The following B3GLCT variants were observed in gnomAD, a reference collection of about 807,000 sequenced individuals.
B3GLCT encodes the protein beta 3-glucosyltransferase, also known as beta-1,3-glucosyltransferase.
Under a neutral mutation model 63.4 loss-of-function variants are expected in B3GLCT, and 65 were observed. The observed-to-expected ratio is 1.03, with a 90% confidence interval of 0.84 to 1.26. B3GLCT has a LOEUF of 1.26. B3GLCT is among the 50% of genes most tolerant of loss of function. The pLI is 0.00. For missense variants in B3GLCT, 577 were observed against 604.8 expected (o/e 0.95, Z 0.48); for synonymous variants, 233 against 219.2 (o/e 1.06, Z -0.55).
chr13:31,272,026 A>C (rs1481809217), intron 8 of B3GLCT, among the ~76,000 whole-genome samples: 1 of 151,810 alleles, frequency 6.6e-6, no homozygotes, highest in Non-Finnish European at 1.5e-5. Flanking sequence ...TTTTTCTTTC[A>C]ATCCTTTTGT....
intron 12 of B3GLCT, among the ~76,000 whole-genome samples, chr13:31,293,914 C>T (rs1054990601): frequency 3.9e-5 from 6 of 152,196 alleles, no homozygotes; most frequent in Admixed American, 2.0e-4. Context: ...AAGGTCTTTA[C>T]AATTTGATAT....
intron 1 of B3GLCT, among the ~76,000 whole-genome samples, chr13:31,214,534 T>C (rs1283597464): frequency 6.6e-6 from 1 of 152,170 alleles, no homozygotes; most frequent in Non-Finnish European, 1.5e-5. Context: ...TAGGGTTTAG[T>C]AGGGTTCTGT....
At chr13:31,208,881 C>G (rs1869119218) in intron 1 of B3GLCT, among the ~76,000 whole-genome samples, 1 of 152,022 alleles carries the variant, frequency 6.6e-6, no homozygotes, top group Non-Finnish European at 1.5e-5. Flanking sequence ...TACCTTCAGC[C>G]TCATTTCTAG....
chr13:31,269,400 T>G lies in B3GLCT; in HGVS notation c.660+123T>G. Reference sequence around the variant, plus strand: ...CACCCACATCTACTCCCCACAGAGATAATTTCATAGCACTCCAGCGAATTA... The same window carrying G: ...CACCCACATCTACTCCCCACAGAGAGAATTTCATAGCACTCCAGCGAATTA... On this transcript the variant is annotated intron_variant, in intron 8 of 14. Transcript: ENST00000343307. 4.4e-6 allele frequency: 3 copies of G among 685,662 alleles called. No homozygotes were observed. The East Asian group carries it at 8.2e-5, about 19-fold the overall frequency. 42.5% of individuals were successfully genotyped at this position (685,662 alleles called of 1,614,324 possible). A position where few individuals can be genotyped will look rare whatever the true frequency, so the allele number is the denominator to read the frequency against.
intron 6 of B3GLCT, among the ~76,000 whole-genome samples, chr13:31,250,669 C>A (rs2137811217): frequency 6.6e-6 from 1 of 152,338 alleles, no homozygotes; most frequent in East Asian, 1.9e-4. Context: ...TAGATTCCCT[C>A]CTCTCTGGGC....
At position 31,308,347 on chromosome 13, in the gene B3GLCT, T is replaced by TAAAAAAAAAACAAA. The variant is rs1874501160; in HGVS notation, c.1065-9209_1065-9208insCAAAAAAAAAAAAA. On this transcript the variant is annotated intron_variant, in intron 12 of 14. Transcript: ENST00000343307. ...TAGAGTATAATAAAAAAAAAAAAATTAAAAAAAAAAAAACAAAAAAAAAAG... is the reference window on the plus strand; with the variant it reads ...TAGAGTATAATAAAAAAAAAAAAATTAAAAAAAAAACAAAAAAAAAAAAAAAACAAAAAAAAAAG... Among the ~76,000 whole-genome samples, 14 of 23,688 alleles carry TAAAAAAAAAACAAA rather than the reference T, an allele frequency of 5.9e-4. 1 individual carries two copies. The South Asian group carries it at 0.011, about 19-fold the overall frequency. The allele number at this position is 23,688 out of a possible 152,430, so 15.5% of individuals were successfully genotyped here.
At chr13:31,259,886 C>T (rs539926056) in intron 6 of B3GLCT, among the ~76,000 whole-genome samples, 42 of 151,914 alleles carry the variant, frequency 2.8e-4, no homozygotes, top group Non-Finnish European at 5.1e-4. Flanking sequence ...GTACAACGTG[C>T]AGGTTTGTTT....
At chr13:31,230,356 A>T (rs1022643927) in intron 4 of B3GLCT, among the ~76,000 whole-genome samples, 1 of 152,172 alleles carries the variant, frequency 6.6e-6, no homozygotes, top group African/African-American at 2.4e-5. Context: ...TTGCCTGTAG[A>T]TAAATGCTAT....
At chr13:31,269,172 CTTCTT>C in intron 7 of B3GLCT, 37 bp from the exon 8 acceptor site, 4 of 1,377,904 alleles carry the variant, frequency 2.9e-6, no homozygotes, top group Non-Finnish European at 4.1e-6. Context: ...TTGCTTGACA[CTTCTT>C]TTGGTTAAAA....
At chr13:31,312,881 T>G (rs975229677) in intron 12 of B3GLCT, 1 of 152,188 alleles carries the variant, frequency 6.6e-6, no homozygotes, top group Non-Finnish European at 1.5e-5. Flanking sequence ...GCAGATCAGA[T>G]TTTTACACCA....
chr13:31,259,423 C>T (rs1300778041), intron 6 of B3GLCT, among the ~76,000 whole-genome samples: 5 of 152,012 alleles, frequency 3.3e-5, no homozygotes, highest in Non-Finnish European at 5.9e-5. Context: ...ACTGCCCTTA[C>T]TCCAGAGCCA....
chr13:31,309,115 ATTGT>A (rs796797398), intron 12 of B3GLCT, among the ~76,000 whole-genome samples: 6 of 152,228 alleles, frequency 3.9e-5, no homozygotes, highest in African/African-American at 1.2e-4. Context: ...ATCACAGGTG[ATTGT>A]TTGGCCACCC....
At chr13:31,299,219 C>T (rs777335470) in intron 12 of B3GLCT, among the ~76,000 whole-genome samples, 2 of 152,128 alleles carry the variant, frequency 1.3e-5, no homozygotes, top group African/African-American at 4.8e-5. Flanking sequence ...TGTAAGCCAG[C>T]CTTTTATGTT....
At chr13:31,214,906 T>A in intron 1 of B3GLCT, 145 bp from the exon 2 acceptor site, 1 of 725,302 alleles carries the variant, frequency 1.4e-6, no homozygotes, top group East Asian at 2.7e-5. Flanking sequence ...GTAATACAAG[T>A]TTGCAGCAAT....
intron 12 of B3GLCT, among the ~76,000 whole-genome samples, chr13:31,308,159 A>T (rs1458151139): frequency 2.3e-5 from 1 of 43,820 alleles, no homozygotes; most frequent in Non-Finnish European, 5.0e-5. Context: ...AGGAAGGGGA[A>T]TATCACACTC....
intron 2 of B3GLCT, among the ~76,000 whole-genome samples, chr13:31,219,624 G>A (rs1167462192): frequency 5.9e-5 from 9 of 152,180 alleles, no homozygotes; most frequent in Admixed American, 5.2e-4. Context: ...ACCTCGCTGT[G>A]CTCAGCCTCC....
chr13:31,210,331 C>G (rs574916928), intron 1 of B3GLCT, among the ~76,000 whole-genome samples: 11 of 152,354 alleles, frequency 7.2e-5, no homozygotes, highest in Non-Finnish European at 1.6e-4. Flanking sequence ...ATTTCTCCAA[C>G]TGCACATTAA....
chr13:31,260,710 T>C (rs894850180), intron 6 of B3GLCT, among the ~76,000 whole-genome samples: 2 of 152,218 alleles, frequency 1.3e-5, no homozygotes, highest in Non-Finnish European at 2.9e-5. Context: ...AGGACTAACA[T>C]TTTGTTCATC....
chr13:31,282,375 C>T lies in B3GLCT; in HGVS notation c.851-2273C>T, dbSNP rs867760818. Among the ~76,000 whole-genome samples, 3 of 152,286 alleles carry T rather than the reference C, an allele frequency of 2.0e-5. No homozygotes were observed. In the South Asian group the frequency reaches 6.2e-4, roughly 32 times the overall value. On this transcript the variant is annotated intron_variant, in intron 10 of 14. Coordinates refer to ENST00000343307, the MANE Select transcript of B3GLCT (RefSeq NM_194318.4). ...ACAGACAGGGCCGAGTGCGGTGGCT[C>T]ATGCCTGTAATCCCAGCACTTTGGG...
Sources: gnomAD v4.1 joint callset for allele counts (sites outside exome capture counted in the v4.1 genomes callset) on GRCh38, gnomAD v4.1.1 for gene constraint, MANE v1.5 for transcripts, NCBI Gene and HGNC (gene_info 2026-07-23, HGNC 2026-07-21) for gene names.